The following ANK2 variants were observed in gnomAD, a reference collection of about 807,000 sequenced individuals.
ANK2 encodes ankyrin 2.
Under a neutral mutation model 360.5 loss-of-function variants are expected in ANK2, and 83 were observed. The ratio of observed to expected loss-of-function variants is 0.23; its 90% CI spans 0.19 to 0.28. The LOEUF (loss-of-function observed/expected upper bound fraction) is 0.28, where lower values mean the gene tolerates loss of function less well. Ranked by LOEUF, ANK2 falls within the 10% of genes least tolerant of loss-of-function variation. The probability of loss-of-function intolerance (pLI) is 1.00; values close to 1 mark genes in which losing one functional copy is unlikely to be tolerated. For synonymous variants in ANK2, 1,740 were observed against 1,759.5 expected, an observed-to-expected ratio of 0.99 and a Z score of 0.28; for missense variants, 4,201 against 4,795.7, an observed-to-expected ratio of 0.88 and a Z score of 3.66.
chr4:112,990,598 T>G (rs561780294), intron 2 of ANK2, among the ~76,000 whole-genome samples: 1 of 152,272 alleles, frequency 6.6e-6, no homozygotes, highest in Non-Finnish European at 1.5e-5. Flanking sequence ...TCTAGATCAA[T>G]ATTTCATGTT....
rs910720810 is a variant in ANK2 at position 113,254,857 on chromosome 4, A to G, written c.991-878A>G. 3.9e-5 allele frequency among the ~76,000 whole-genome samples: 6 copies of G among 152,328 alleles called. No individual in the cohort carries two copies. In the East Asian group the frequency reaches 9.6e-4, roughly 24 times the overall value. ...GCGAACAATCCTTTTTCTAGTGGCC[A>G]TATTTGCATTGGTATTAATAAAAGA... On this transcript the variant is annotated intron_variant, in intron 10 of 45. Coordinates refer to ENST00000357077, the MANE Select transcript of ANK2 (RefSeq NM_001148.6).
intron 1 of ANK2, among the ~76,000 whole-genome samples, chr4:113,091,192 A>G (rs2087871189): frequency 6.6e-6 from 1 of 152,216 alleles, no homozygotes. Context: ...TGTTTTTAAA[A>G]TACTGCTTAT....
chr4:112,966,942 T>TG (rs1561327295), intron 2 of ANK2, among the ~76,000 whole-genome samples: 1 of 152,084 alleles, frequency 6.6e-6, no homozygotes, highest in South Asian at 2.1e-4. Flanking sequence ...ATGAGGGCCT[T>TG]GGGGGGAGCA....
the ANK2 span, among the ~76,000 whole-genome samples, chr4:112,712,936 A>G: frequency 6.6e-6 from 1 of 152,178 alleles, no homozygotes; most frequent in African/African-American, 2.4e-5. Flanking sequence ...TCGTGTAACC[A>G]TCACCACAAT....
chr4:113,025,378 C>T (rs1245067890), intron 2 of ANK2, among the ~76,000 whole-genome samples: 1 of 152,118 alleles, frequency 6.6e-6, no homozygotes. Flanking sequence ...CTGGGTGTCC[C>T]CATATTCCAT....
chr4:113,089,680 C>A (rs996070286), intron 1 of ANK2, among the ~76,000 whole-genome samples: 1 of 152,076 alleles, frequency 6.6e-6, no homozygotes, highest in Non-Finnish European at 1.5e-5. Flanking sequence ...ACAAAATTGG[C>A]TGGATGTGTT....
chr4:113,018,239 A>C (rs1579142265), intron 2 of ANK2, among the ~76,000 whole-genome samples: 1 of 152,240 alleles, frequency 6.6e-6, no homozygotes, highest in East Asian at 1.9e-4. Context: ...TCATTTTACA[A>C]ATAGTGGTTG....
chr4:113,269,546 G>C (rs1423812601), intron 14 of ANK2, among the ~76,000 whole-genome samples: 1 of 152,224 alleles, frequency 6.6e-6, no homozygotes, highest in Non-Finnish European at 1.5e-5. Flanking sequence ...CTGACCCCTT[G>C]TGCTTTCCAG....
At chr4:112,973,744 T>C (rs998518749) in intron 2 of ANK2, among the ~76,000 whole-genome samples, 2 of 152,214 alleles carry the variant, frequency 1.3e-5, no homozygotes, top group Non-Finnish European at 2.9e-5. Flanking sequence ...GGTCATACTT[T>C]GGGTGATGGG....
rs1217108451 is a variant in ANK2 at position 113,336,700 on chromosome 4, G to A, written c.3715G>A (p.Val1239Ile). The A allele has an allele frequency of 4.3e-6, 7 of 1,613,974 alleles. No homozygotes were observed. In the South Asian group the frequency reaches 6.6e-5, roughly 15 times the overall value. The stretch of plus-strand genomic sequence containing the variant: ...CAAACCAATTACCATGACCATTCCT[G>A]TCCCCAAAGCTTCAAGTGATGTCAT... ...FHKPITMTIP[V>I]PKASSDVMLN... The change falls in exon 31 of 46, where the codon GTC becomes ATC. Residue 1239 changes from valine (V) to isoleucine (I), a missense_variant. Transcript: ENST00000357077.
At chr4:112,734,791 C>A in the ANK2 span, among the ~76,000 whole-genome samples, 1 of 152,048 alleles carries the variant, frequency 6.6e-6, no homozygotes, top group Non-Finnish European at 1.5e-5. Context: ...AAATAACCAC[C>A]ATTTTTGGGA....
At chr4:112,775,247 G>A in the ANK2 span, among the ~76,000 whole-genome samples, 2 of 152,120 alleles carry the variant, frequency 1.3e-5, no homozygotes, top group East Asian at 1.9e-4. Context: ...CACCAAAGGC[G>A]GTGGCTTATG....
intron 1 of ANK2, among the ~76,000 whole-genome samples, chr4:113,084,773 A>G (rs984362950): frequency 5.3e-5 from 8 of 152,356 alleles, no homozygotes; most frequent in African/African-American, 1.7e-4. Context: ...TGATTATGAC[A>G]TATGAACATT....
At chr4:113,272,286 C>A (rs1302301977) in intron 14 of ANK2, among the ~76,000 whole-genome samples, 1 of 152,186 alleles carries the variant, frequency 6.6e-6, no homozygotes, top group East Asian at 1.9e-4. Context: ...GCTGTGTCAG[C>A]CAGTGATGCT....
At chr4:113,330,868 A>T (rs1337164297) in intron 27 of ANK2, among the ~76,000 whole-genome samples, 1 of 152,204 alleles carries the variant, frequency 6.6e-6, no homozygotes, top group African/African-American at 2.4e-5. Context: ...AAACAGAATC[A>T]TTATCTTTAC....
At chr4:113,236,837 T>G in intron 5 of ANK2, 150 bp from the exon 6 acceptor site, 2 of 799,274 alleles carry the variant, frequency 2.5e-6, no homozygotes, top group Non-Finnish European at 4.1e-6. Context: ...GATGGATAAC[T>G]GGTTATAATC....
intron 1 of ANK2, among the ~76,000 whole-genome samples, chr4:112,855,979 A>T (rs1256937903): frequency 2.0e-5 from 3 of 152,130 alleles, no homozygotes; most frequent in Non-Finnish European, 4.4e-5. Flanking sequence ...TGAAGTTTAG[A>T]TGTGGGTGCC....
intron 15 of ANK2, among the ~76,000 whole-genome samples, chr4:113,276,281 T>C (rs29332): frequency 0.36 from 54,482 of 151,950 alleles, 11,008 homozygotes; most frequent in African/African-American, 0.52. Flanking sequence ...GGCTGAACAG[T>C]GGTTGATTCA....
chr4:112,938,628 A>G (rs1285145377), intron 2 of ANK2, among the ~76,000 whole-genome samples: 2 of 152,264 alleles, frequency 1.3e-5, no homozygotes, highest in Non-Finnish European at 2.9e-5. Flanking sequence ...AGGCAAGCTA[A>G]GTAAATTTTT....
Sources: allele counts gnomAD v4.1 joint callset (sites outside exome capture counted in the v4.1 genomes callset), GRCh38; gene constraint gnomAD v4.1.1; transcripts MANE v1.5; gene names NCBI Gene and HGNC (gene_info 2026-07-23, HGNC 2026-07-21).